The following PRELID2 variants were observed in gnomAD, a reference collection of about 807,000 sequenced individuals.
PRELID2 encodes PRELI domain-containing protein 2.
PRELID2 carries 25 observed loss-of-function variants against 28.4 expected under a neutral mutation model. That is an observed-to-expected ratio of 0.88 (90% CI 0.64 to 1.23). The LOEUF is 1.23. PRELID2 is among the 50% of genes most tolerant of loss of function. The pLI is 0.00. For missense variants in PRELID2, 201 were observed against 214.4 expected (o/e 0.94, Z 0.39); for synonymous variants, 76 against 71.6 (o/e 1.06, Z -0.31).
the PRELID2 span, among the ~76,000 whole-genome samples, chr5:145,261,181 C>G: frequency 6.6e-6 from 1 of 152,158 alleles, no homozygotes; most frequent in Non-Finnish European, 1.5e-5. Flanking sequence ...CAAGGAGAGT[C>G]TGAGCTCAGA....
the PRELID2 span, chr5:145,229,140 G>C: frequency 8.9e-7 from 1 of 1,125,658 alleles, no homozygotes; most frequent in Admixed American, 1.8e-5. Flanking sequence ...CCAGCGGGTG[G>C]GGGCCAAGTG....
At position 145,701,863 on chromosome 5, in the gene PRELID2, C is replaced by T. The variant is rs546033052; in HGVS notation, n.70+63068G>A. Among the ~76,000 whole-genome samples the T allele has an allele frequency of 3.3e-4, 50 of 152,120 alleles. No individual in the cohort carries two copies. In the South Asian group the frequency reaches 5.0e-3, roughly 15 times the overall value. On this transcript the variant is annotated intron_variant and non_coding_transcript_variant, in intron 1 of 2. Transcript: ENST00000510259. Reference sequence around the variant, plus strand: ...GGTCAGGAGTTCAAGACCAGCCTGACCAATGTGGTGAAACCCTGTCTCTAC... The same window carrying T: ...GGTCAGGAGTTCAAGACCAGCCTGATCAATGTGGTGAAACCCTGTCTCTAC...
At chr5:145,615,120 TA>T (rs142625271) in intron 1 of PRELID2, among the ~76,000 whole-genome samples, 19,640 of 152,128 alleles carry the variant, frequency 0.13, 1,797 homozygotes, top group African/African-American at 0.23. Context: ...AGGACTGTGA[TA>T]TTTTTCTGTT....
At chr5:145,296,792 G>C in the PRELID2 span, among the ~76,000 whole-genome samples, 82 of 152,202 alleles carry the variant, frequency 5.4e-4, no homozygotes, top group Admixed American at 1.5e-3. Flanking sequence ...GGTTGAACTA[G>C]TTTACAGTCC....
At chr5:145,398,766 C>T in the PRELID2 span, among the ~76,000 whole-genome samples, 26 of 151,780 alleles carry the variant, frequency 1.7e-4, no homozygotes, top group Middle Eastern at 3.4e-3. Flanking sequence ...CAGAGAATGA[C>T]GAAACCAAGA....
chr5:145,813,446 G>A (rs1049095105), intron 4 of PRELID2, among the ~76,000 whole-genome samples: 2 of 152,126 alleles, frequency 1.3e-5, no homozygotes, highest in Non-Finnish European at 2.9e-5. Context: ...AAACCTTTTT[G>A]TGGCTGCTTG....
chr5:145,357,215 C>T, the PRELID2 span, among the ~76,000 whole-genome samples: 1 of 152,022 alleles, frequency 6.6e-6, no homozygotes, highest in Non-Finnish European at 1.5e-5. Flanking sequence ...ATGATGTGTT[C>T]TGGGGATGGT....
chr5:145,452,614 TA>T, the PRELID2 span, among the ~76,000 whole-genome samples: 1 of 152,200 alleles, frequency 6.6e-6, no homozygotes, highest in Non-Finnish European at 1.5e-5. Context: ...CACTTTTCTG[TA>T]ACCCTTCAAG....
At chr5:145,400,891 A>G in the PRELID2 span, among the ~76,000 whole-genome samples, 4 of 152,154 alleles carry the variant, frequency 2.6e-5, no homozygotes, top group African/African-American at 9.7e-5. Context: ...GAACCTAATG[A>G]GGCCATGTCT....
chr5:145,353,579 C>T, the PRELID2 span, among the ~76,000 whole-genome samples: 1 of 152,164 alleles, frequency 6.6e-6, no homozygotes, highest in Non-Finnish European at 1.5e-5. Context: ...AACTTACAAT[C>T]ATGGTGGAAG....
At chr5:145,485,701 T>C (rs1459233250) in intron 1 of PRELID2, among the ~76,000 whole-genome samples, 4 of 152,170 alleles carry the variant, frequency 2.6e-5, no homozygotes, top group Non-Finnish European at 4.4e-5. Flanking sequence ...GACCAGAGAC[T>C]CCTCAGCACC....
intron 5 of PRELID2, among the ~76,000 whole-genome samples, chr5:145,775,384 T>C (rs1010756042): frequency 7.2e-5 from 11 of 152,244 alleles, no homozygotes; most frequent in African/African-American, 2.4e-4. Context: ...TTCGGCACAT[T>C]CCTTCCTACA....
chr5:145,481,641 A>AG (rs1266968184), intron 1 of PRELID2, among the ~76,000 whole-genome samples: 19 of 147,082 alleles, frequency 1.3e-4, no homozygotes, highest in African/African-American at 4.8e-4. Flanking sequence ...AAAAAAAAAA[A>AG]AAAAAAAAAA....
chr5:145,721,710 CCA>C (rs769116204), intron 1 of PRELID2, among the ~76,000 whole-genome samples: 1 of 151,908 alleles, frequency 6.6e-6, no homozygotes, highest in Non-Finnish European at 1.5e-5. Flanking sequence ...TATATAAGAC[CCA>C]CACCTAAAAA....
chr5:145,409,898 T>A, the PRELID2 span, among the ~76,000 whole-genome samples: 6 of 152,294 alleles, frequency 3.9e-5, no homozygotes, highest in African/African-American at 1.4e-4. Context: ...TCACATTATT[T>A]GATTTCAAAC....
Position 145,817,997 on chromosome 5 carries a change from G to A in PRELID2, c.265C>T (p.Arg89Trp), listed in dbSNP as rs767931589. Residue 89 changes from arginine (R) to tryptophan (W), a missense_variant, in exon 4 of 7, where the codon CGG (arginine) becomes TGG (tryptophan). By Grantham distance (101) the Arg-to-Trp change is moderately radical. Coordinates refer to ENST00000683046, the MANE Select transcript of PRELID2 (RefSeq NM_205846.3). ...CTCCGTATGGCCATGTTTCTTTCCC[G>A]AGGATTGAGCCATGACTCCTCTTCT... The part of the protein sequence containing the change: ...QLEEESWLNP[R>W]ERNMAIRSHC... 36 of 1,612,398 alleles carry A rather than the reference G, an allele frequency of 2.2e-5. No homozygotes were observed. The highest frequency in any genetic ancestry group is 1.8e-4 in the Admixed American group (11 of 59,784).
intron 1 of PRELID2, among the ~76,000 whole-genome samples, chr5:145,627,447 T>A (rs376141435): frequency 2.0e-5 from 3 of 152,116 alleles, no homozygotes; most frequent in African/African-American, 7.2e-5. Context: ...CACTATGGAA[T>A]ATATTCACAT....
intron 4 of PRELID2, among the ~76,000 whole-genome samples, chr5:145,814,852 A>C (rs762900743): frequency 6.6e-6 from 1 of 152,226 alleles, no homozygotes; most frequent in Admixed American, 6.5e-5. Flanking sequence ...ATACTGGCAA[A>C]AGTTAAAAAG....
At chr5:145,366,464 G>A in the PRELID2 span, among the ~76,000 whole-genome samples, 1 of 151,830 alleles carries the variant, frequency 6.6e-6, no homozygotes, top group East Asian at 1.9e-4. Context: ...CCCCAAATAA[G>A]CTAAATGACA....
Sources: allele counts gnomAD v4.1 joint callset (sites outside exome capture counted in the v4.1 genomes callset), GRCh38; gene constraint gnomAD v4.1.1; transcripts MANE v1.5; gene names NCBI Gene and HGNC (gene_info 2026-07-23, HGNC 2026-07-21).